The following NDST3 variants were observed in gnomAD, a reference collection of about 807,000 sequenced individuals.
NDST3 encodes the protein N-deacetylase and N-sulfotransferase 3.
Under a neutral mutation model 96.1 loss-of-function variants are expected in NDST3, and 58 were observed. That is an observed-to-expected ratio of 0.60 (90% confidence interval 0.49 to 0.75). The LOEUF is 0.75. NDST3 is among the 30% of genes least tolerant of loss of function. The probability of loss-of-function intolerance (pLI) is 0.00; values close to 1 mark genes in which losing one functional copy is unlikely to be tolerated. For synonymous variants in NDST3, 333 were observed against 359.7 expected (o/e 0.93, Z 0.84); for missense variants, 788 against 1,034.2 (o/e 0.76, Z 3.27).
intron 2 of NDST3, among the ~76,000 whole-genome samples, chr4:118,070,700 A>G (rs1321178397): frequency 6.7e-6 from 1 of 148,350 alleles, no homozygotes; most frequent in Non-Finnish European, 1.5e-5. Context: ...CACAATGTGC[A>G]GGTTTGTTAC....
chr4:118,235,027 CAA>C (rs796108780), intron 9 of NDST3, among the ~76,000 whole-genome samples: 1 of 33,388 alleles, frequency 3.0e-5, no homozygotes, highest in Non-Finnish European at 6.9e-5. Flanking sequence ...GAGACTCCAT[CAA>C]AAAAAAAAGA....
At chr4:118,126,817 A>G (rs561715992) in intron 4 of NDST3, among the ~76,000 whole-genome samples, 2 of 152,146 alleles carry the variant, frequency 1.3e-5, no homozygotes, top group Middle Eastern at 3.4e-3. Context: ...CCAACAGCGT[A>G]TAACGGTTTT....
chr4:118,227,681 A>G (rs1475866365), intron 8 of NDST3, among the ~76,000 whole-genome samples: 10 of 139,488 alleles, frequency 7.2e-5, no homozygotes, highest in Admixed American at 3.2e-4. Context: ...GCATGATCTC[A>G]GCTCACTGCA....
At chr4:118,048,715 C>G (rs1724908006) in intron 1 of NDST3, among the ~76,000 whole-genome samples, 2 of 152,054 alleles carry the variant, frequency 1.3e-5, no homozygotes, top group African/African-American at 4.8e-5. Context: ...ATTGGAGCAC[C>G]TAGATTCATG....
At chr4:118,073,821 T>A (rs947705444) in intron 2 of NDST3, among the ~76,000 whole-genome samples, 1 of 152,138 alleles carries the variant, frequency 6.6e-6, no homozygotes, top group Admixed American at 6.6e-5. Flanking sequence ...GTTTTTCCAG[T>A]TCATCTAGGT....
At chr4:118,222,374 G>A (rs1300480030) in intron 6 of NDST3, among the ~76,000 whole-genome samples, 1 of 151,706 alleles carries the variant, frequency 6.6e-6, no homozygotes, top group Non-Finnish European at 1.5e-5. Context: ...AATATTCCAT[G>A]TCTATAGAAA....
chr4:118,245,453 C>T (rs1741249030), intron 12 of NDST3, among the ~76,000 whole-genome samples: 1 of 152,166 alleles, frequency 6.6e-6, no homozygotes, highest in Admixed American at 6.5e-5. Context: ...CAGAGGTTAG[C>T]TAAGTCACGA....
At chr4:118,232,683 G>GGAAAGAAAGAAAGAAAGAAA (rs201457518) in intron 8 of NDST3, among the ~76,000 whole-genome samples, 187 of 150,074 alleles carry the variant, frequency 1.2e-3, no homozygotes, top group African/African-American at 3.7e-3. Context: ...GAAAAGAAAA[G>GGAAAGAAAGAAAGAAAGAAA]GAAAGAAACA....
chr4:118,213,125 A>G (rs1738915802), intron 6 of NDST3, among the ~76,000 whole-genome samples: 1 of 152,190 alleles, frequency 6.6e-6, no homozygotes, highest in African/African-American at 2.4e-5. Context: ...ACAATTTCCA[A>G]ATAATGCTTC....
chr4:118,199,238 G>GT (rs1219314026), intron 6 of NDST3, among the ~76,000 whole-genome samples: 1 of 152,028 alleles, frequency 6.6e-6, no homozygotes, highest in African/African-American at 2.4e-5. Context: ...ATGCTTCATG[G>GT]TTTTTTATTC....
At chr4:118,049,102 A>G (rs538721203) in intron 1 of NDST3, among the ~76,000 whole-genome samples, 1 of 152,302 alleles carries the variant, frequency 6.6e-6, no homozygotes, top group South Asian at 2.1e-4. Context: ...TGGAAATTAA[A>G]TAACTTGCTC....
intron 3 of NDST3, 32 bp downstream of exon 3, chr4:118,105,137 G>A: frequency 6.6e-7 from 1 of 1,518,214 alleles, no homozygotes; most frequent in Non-Finnish European, 9.1e-7. Flanking sequence ...TTCTCATTAA[G>A]GCTTCTCTGA....
chr4:118,110,334 G>A (rs1484176891), intron 3 of NDST3, among the ~76,000 whole-genome samples: 3 of 152,182 alleles, frequency 2.0e-5, no homozygotes, highest in Admixed American at 6.5e-5. Flanking sequence ...TAAGGGCCCT[G>A]AATTTGGAGT....
At chr4:118,128,226 A>G (rs1007314697) in intron 4 of NDST3, among the ~76,000 whole-genome samples, 41 of 152,024 alleles carry the variant, frequency 2.7e-4, no homozygotes, top group African/African-American at 9.4e-4. Context: ...GCTATGTTGA[A>G]TAACAGTGGT....
intron 6 of NDST3, among the ~76,000 whole-genome samples, chr4:118,188,100 T>C (rs1010212321): frequency 6.6e-6 from 1 of 151,988 alleles, no homozygotes. Flanking sequence ...CCAGAAAACA[T>C]ACATTGAAAA....
chr4:118,239,167 T>C lies in NDST3; in HGVS notation c.2119-1357T>C, dbSNP rs929603204. 2.6e-5 allele frequency among the ~76,000 whole-genome samples: 4 copies of C among 152,216 alleles called. No individual in the cohort carries two copies. The East Asian group carries it at 5.8e-4, about 22-fold the overall frequency. On this transcript the variant is annotated intron_variant, in intron 10 of 13. Coordinates refer to ENST00000296499, the MANE Select transcript of NDST3 (RefSeq NM_004784.3). ...ACAAGAGTGGGATGTTCCATTCTTATTGATTTGATTTAAAACAGCTAAGTT... is the reference window on the plus strand; with the variant it reads ...ACAAGAGTGGGATGTTCCATTCTTACTGATTTGATTTAAAACAGCTAAGTT...
chr4:118,245,956 T>C (rs928516771), intron 12 of NDST3, among the ~76,000 whole-genome samples: 3 of 152,176 alleles, frequency 2.0e-5, no homozygotes, highest in Admixed American at 1.3e-4. Context: ...ATTGCCAACC[T>C]GTTAAGCTCT....
chr4:118,204,203 C>A (rs911339635), intron 6 of NDST3, among the ~76,000 whole-genome samples: 5 of 152,056 alleles, frequency 3.3e-5, no homozygotes, highest in Non-Finnish European at 5.9e-5. Context: ...CACAATGGGC[C>A]CTGCAGGTAC....
chr4:118,036,178 T>A (rs540778393), intron 1 of NDST3, among the ~76,000 whole-genome samples: 1 of 152,142 alleles, frequency 6.6e-6, no homozygotes, highest in Non-Finnish European at 1.5e-5. Context: ...ATTTTAAAAC[T>A]GTAAAGAAAT....
Sources: allele counts gnomAD v4.1 joint callset (sites outside exome capture counted in the v4.1 genomes callset), GRCh38; gene constraint gnomAD v4.1.1; transcripts MANE v1.5; gene names NCBI Gene and HGNC (gene_info 2026-07-23, HGNC 2026-07-21).